EYA1: variants seen among roughly 807,000 people sequenced by gnomAD.
The protein encoded by EYA1 is protein phosphatase EYA1.
In EYA1, 16 loss-of-function variants were observed where a neutral mutation model predicts 82.0. That is an observed-to-expected ratio of 0.20 (90% CI 0.13 to 0.30). The LOEUF is 0.30. Ranked by LOEUF, EYA1 falls within the 10% of genes least tolerant of loss-of-function variation. The probability of loss-of-function intolerance (pLI) is 1.00; values close to 1 mark genes in which losing one functional copy is unlikely to be tolerated. For synonymous variants in EYA1, 261 were observed against 264.4 expected, an observed-to-expected ratio of 0.99 and a Z score of 0.12; for missense variants, 633 against 730.7, an observed-to-expected ratio of 0.87 and a Z score of 1.54.
At chr8:71,507,673 A>G (rs1812295402) in intron 2 of EYA1, among the ~76,000 whole-genome samples, 2 of 152,254 alleles carry the variant, frequency 1.3e-5, no homozygotes, top group Admixed American at 1.3e-4. Flanking sequence ...CTACACAACC[A>G]TAAAAAGAAG....
chr8:71,508,578 G>T (rs1374591937), intron 2 of EYA1, among the ~76,000 whole-genome samples: 2 of 152,164 alleles, frequency 1.3e-5, no homozygotes, highest in Non-Finnish European at 2.9e-5. Flanking sequence ...TCATGAGGGT[G>T]GAGCCCTCCT....
chr8:71,467,789 A>G (rs1479463560), intron 2 of EYA1, among the ~76,000 whole-genome samples: 1 of 152,176 alleles, frequency 6.6e-6, no homozygotes, highest in South Asian at 2.1e-4. Flanking sequence ...ATAGGCTGAT[A>G]ATAATGATTT....
intron 2 of EYA1, among the ~76,000 whole-genome samples, chr8:71,383,601 G>A (rs1361412469): frequency 6.6e-6 from 1 of 152,072 alleles, no homozygotes; most frequent in Non-Finnish European, 1.5e-5. Flanking sequence ...GTTTAAGGAT[G>A]ATACAGATAA....
chr8:71,435,052 GCATCTTT>G (rs1240913611), intron 2 of EYA1, among the ~76,000 whole-genome samples: 23 of 152,178 alleles, frequency 1.5e-4, no homozygotes, highest in African/African-American at 5.3e-4. Context: ...ATGGGCAAAT[GCATCTTT>G]TAAGTAAGTA....
chr8:71,328,885 C>T (rs1181543713), intron 4 of EYA1, among the ~76,000 whole-genome samples: 1 of 152,148 alleles, frequency 6.6e-6, no homozygotes, highest in East Asian at 1.9e-4. Context: ...CCCTTTTCCC[C>T]ACTCCATGGT....
At chr8:71,421,805 T>A (rs1345523314) in intron 2 of EYA1, among the ~76,000 whole-genome samples, 2 of 152,184 alleles carry the variant, frequency 1.3e-5, no homozygotes, top group African/African-American at 4.8e-5. Context: ...GAAACTGAAC[T>A]AATGTGCTCT....
At chr8:71,300,500 T>C (rs1731660974) in intron 7 of EYA1, among the ~76,000 whole-genome samples, 1 of 152,150 alleles carries the variant, frequency 6.6e-6, no homozygotes, top group Non-Finnish European at 1.5e-5. Context: ...GGGAAATATA[T>C]AAAAAACGGC....
intron 2 of EYA1, among the ~76,000 whole-genome samples, chr8:71,389,696 A>G (rs72655707): frequency 6.6e-6 from 1 of 152,346 alleles, no homozygotes; most frequent in Non-Finnish European, 1.5e-5. Context: ...GGTGACAGAT[A>G]CATGTTAAAA....
chr8:71,435,225 C>T (rs972825195), intron 2 of EYA1, among the ~76,000 whole-genome samples: 1 of 152,058 alleles, frequency 6.6e-6, no homozygotes. Flanking sequence ...ATAATGACAG[C>T]TGCCCCGTGG....
chr8:71,288,334 C>T (rs902467266), intron 9 of EYA1, among the ~76,000 whole-genome samples: 11 of 152,214 alleles, frequency 7.2e-5, no homozygotes, highest in Admixed American at 1.3e-4. Flanking sequence ...GGATATTCAT[C>T]TCCATCTTTG....
chr8:71,282,193 G>A lies in EYA1; in HGVS notation c.827-10296C>T, dbSNP rs140440178. On this transcript the variant is annotated intron_variant, in intron 9 of 17. Coordinates refer to ENST00000340726, the MANE Select transcript of EYA1 (RefSeq NM_000503.6). ...ACTCCTAAGGCCAACCCCTCCTTTT[G>A]GCATGAGACTCCAGTGCCCTGTCAC... Among the ~76,000 whole-genome samples the A allele has an allele frequency of 6.9e-4, 105 of 152,236 alleles. No homozygotes were observed. The East Asian group carries it at 0.01, about 15-fold the overall frequency.
intron 2 of EYA1, among the ~76,000 whole-genome samples, chr8:71,375,190 G>A (rs1381670944): frequency 2.0e-5 from 3 of 151,976 alleles, no homozygotes; most frequent in Non-Finnish European, 4.4e-5. Flanking sequence ...TGATGAATAG[G>A]TTAATTTGTT....
At chr8:71,261,197 C>G (rs1251839085) in intron 11 of EYA1, among the ~76,000 whole-genome samples, 1 of 152,078 alleles carries the variant, frequency 6.6e-6, no homozygotes, top group South Asian at 2.1e-4. Flanking sequence ...AAACACATAA[C>G]CAAAAGTGTT....
At chr8:71,205,070 TAAA>T (rs1807580563) in intron 17 of EYA1, among the ~76,000 whole-genome samples, 5 of 152,206 alleles carry the variant, frequency 3.3e-5, no homozygotes, top group African/African-American at 1.2e-4. Context: ...ATTTTTCTCC[TAAA>T]TAAGCTTGAA....
chr8:71,541,836 G>A (rs1427009441), intron 1 of EYA1, among the ~76,000 whole-genome samples: 1 of 152,132 alleles, frequency 6.6e-6, no homozygotes, highest in Non-Finnish European at 1.5e-5. Context: ...CTGAATTTAG[G>A]GCATTGCTAG....
intron 2 of EYA1, among the ~76,000 whole-genome samples, chr8:71,448,002 T>A (rs761820191): frequency 6.9e-6 from 1 of 145,784 alleles, no homozygotes. Flanking sequence ...GCAAAGCTGT[T>A]TAAGAGCTTT....
intron 17 of EYA1, among the ~76,000 whole-genome samples, chr8:71,205,177 C>G (rs11987097): frequency 0.1 from 15,207 of 152,102 alleles, 2,534 homozygotes; most frequent in African/African-American, 0.35. Context: ...TGACGCCTTT[C>G]TCACTGTGCA....
chr8:71,361,508 T>C (rs1162992748), intron 1 of EYA1, 139 bp downstream of exon 1: 1 of 281,062 alleles, frequency 3.6e-6, no homozygotes, highest in African/African-American at 2.3e-5. Context: ...CAAAGTGTCA[T>C]AATTTTCCCC....
intron 2 of EYA1, among the ~76,000 whole-genome samples, chr8:71,401,074 T>G (rs7839364): frequency 0.058 from 8,771 of 152,126 alleles, 798 homozygotes; most frequent in African/African-American, 0.2. Context: ...ATTATAAGTG[T>G]GAGCTGAACA....
Sources: allele counts gnomAD v4.1 joint callset (sites outside exome capture counted in the v4.1 genomes callset), GRCh38; gene constraint gnomAD v4.1.1; transcripts MANE v1.5; gene names NCBI Gene and HGNC (gene_info 2026-07-23, HGNC 2026-07-21).